Variants in GALNT13 observed in about 807,000 individuals in gnomAD.
The protein encoded by GALNT13 is UDP-GalNAc:polypeptide N-acetylgalactosaminyltransferase 13.
Under a neutral mutation model 64.2 loss-of-function variants are expected in GALNT13, and 28 were observed. The ratio of observed to expected loss-of-function variants is 0.44; its 90% CI spans 0.32 to 0.60. The LOEUF (loss-of-function observed/expected upper bound fraction) is 0.60. Ranked by LOEUF, GALNT13 falls within the 20% of genes least tolerant of loss-of-function variation. GALNT13 has a pLI of 0.05. For synonymous variants in GALNT13, 214 were observed against 224.6 expected (o/e 0.95, Z 0.42); for missense variants, 577 against 669.8 (o/e 0.86, Z 1.53).
intron 8 of GALNT13, among the ~76,000 whole-genome samples, chr2:154,283,717 G>T (rs1202527422): frequency 1.3e-5 from 2 of 151,944 alleles, no homozygotes; most frequent in Non-Finnish European, 2.9e-5. Context: ...ATGTGTGTGT[G>T]TGTATATACA....
At chr2:153,697,463 C>T in the GALNT13 span, among the ~76,000 whole-genome samples, 3 of 151,990 alleles carry the variant, frequency 2.0e-5, no homozygotes, top group South Asian at 6.2e-4. Flanking sequence ...TTTCAAAGGC[C>T]CTGGGATGTG....
chr2:153,308,509 C>G, the GALNT13 span, among the ~76,000 whole-genome samples: 1 of 152,190 alleles, frequency 6.6e-6, no homozygotes, highest in African/African-American at 2.4e-5. Flanking sequence ...AACACTATAA[C>G]AAGCTTCCTT....
chr2:153,925,857 C>A (rs943412499), intron 2 of GALNT13, among the ~76,000 whole-genome samples: 3 of 151,630 alleles, frequency 2.0e-5, no homozygotes, highest in Admixed American at 1.3e-4. Context: ...TGGTTGTATG[C>A]CTGTTGTTGG....
the GALNT13 span, among the ~76,000 whole-genome samples, chr2:153,372,117 A>T: frequency 6.6e-6 from 1 of 152,174 alleles, no homozygotes; most frequent in African/African-American, 2.4e-5. Context: ...AAATATGTCC[A>T]GCTGTCAACA....
intron 4 of GALNT13, among the ~76,000 whole-genome samples, chr2:154,145,123 C>A (rs1313703200): frequency 1.6e-5 from 2 of 123,598 alleles, no homozygotes; most frequent in South Asian, 5.1e-4. Flanking sequence ...TATATATACA[C>A]ACACTAAAAA....
chr2:153,395,638 G>A, the GALNT13 span, among the ~76,000 whole-genome samples: 1 of 152,118 alleles, frequency 6.6e-6, no homozygotes, highest in Non-Finnish European at 1.5e-5. Context: ...GTAGATGAAT[G>A]TTTCTGGGCA....
the GALNT13 span, among the ~76,000 whole-genome samples, chr2:153,117,912 C>T: frequency 1.6e-4 from 24 of 152,248 alleles, no homozygotes; most frequent in Middle Eastern, 0.02. Flanking sequence ...TAATTTGTCA[C>T]GAACTCCAAA....
the GALNT13 span, among the ~76,000 whole-genome samples, chr2:153,449,041 T>C: frequency 7.9e-5 from 12 of 152,084 alleles, no homozygotes; most frequent in African/African-American, 2.7e-4. Flanking sequence ...TCTCTTTGTG[T>C]GTCTTTCTGT....
chr2:153,781,488 G>A, the GALNT13 span, among the ~76,000 whole-genome samples: 1 of 152,172 alleles, frequency 6.6e-6, no homozygotes, highest in Non-Finnish European at 1.5e-5. Flanking sequence ...TGCACTGGGT[G>A]ATGAAGCTTT....
chr2:153,930,133 T>G (rs759769460), intron 2 of GALNT13, among the ~76,000 whole-genome samples: 2 of 152,198 alleles, frequency 1.3e-5, no homozygotes, highest in Admixed American at 6.5e-5. Context: ...GTTGGTCACA[T>G]GCATGCCTTC....
chr2:154,188,287 A>G (rs1206107907), intron 4 of GALNT13, among the ~76,000 whole-genome samples: 1 of 152,130 alleles, frequency 6.6e-6, no homozygotes, highest in Non-Finnish European at 1.5e-5. Flanking sequence ...TGGACTGAGT[A>G]CAAGGTGTCA....
chr2:153,472,451 TG>T, the GALNT13 span, among the ~76,000 whole-genome samples: 4,780 of 152,234 alleles, frequency 0.031, 99 homozygotes, highest in Middle Eastern at 0.071. Flanking sequence ...GCCAGTGTTT[TG>T]TGGTTCAAAT....
chr2:154,027,153 A>G (rs1698027315), intron 3 of GALNT13, among the ~76,000 whole-genome samples: 1 of 152,164 alleles, frequency 6.6e-6, no homozygotes, highest in Admixed American at 6.6e-5. Flanking sequence ...ACCTATCTAA[A>G]CAAGTCAGAT....
At position 154,351,373 on chromosome 2, in the gene GALNT13, G is replaced by GA. The variant is rs575603362; in HGVS notation, c.1157-44609dup. Among the ~76,000 whole-genome samples, 370 of 149,874 alleles carry GA rather than the reference G, an allele frequency of 2.5e-3. 1 individual carries two copies. Among genetic ancestry groups the GA allele is most frequent in the Middle Eastern group, 0.014 (4 of 288 alleles). On this transcript the variant is annotated intron_variant, in intron 9 of 12. Transcript: ENST00000392825. ...CGTTGTGAGCTTCAAGAACTGAATT[G>GA]AAAAAAAAATGCAATAGACCAGAGC...
At chr2:154,430,062 G>A (rs746078906) in intron 11 of GALNT13, among the ~76,000 whole-genome samples, 5 of 152,190 alleles carry the variant, frequency 3.3e-5, no homozygotes, top group Non-Finnish European at 7.3e-5. Flanking sequence ...TGTTGGAGAT[G>A]TACAAGGAGA....
At chr2:154,191,705 G>A (rs1399981929) in intron 4 of GALNT13, among the ~76,000 whole-genome samples, 1 of 152,038 alleles carries the variant, frequency 6.6e-6, no homozygotes, top group Non-Finnish European at 1.5e-5. Flanking sequence ...TCGCTTCTTC[G>A]GTGCCCCACC....
chr2:153,198,353 G>C, the GALNT13 span, among the ~76,000 whole-genome samples: 3 of 152,184 alleles, frequency 2.0e-5, no homozygotes, highest in Non-Finnish European at 4.4e-5. Context: ...AGGAGTCTGA[G>C]GTGAGAATGT....
the GALNT13 span, among the ~76,000 whole-genome samples, chr2:153,438,992 G>A: frequency 7.9e-5 from 12 of 152,058 alleles, no homozygotes; most frequent in Admixed American, 1.3e-4. Flanking sequence ...GTACAGATGC[G>A]TTTTTGGTGT....
At chr2:153,700,035 CA>C in the GALNT13 span, among the ~76,000 whole-genome samples, 1 of 152,182 alleles carries the variant, frequency 6.6e-6, no homozygotes, top group African/African-American at 2.4e-5. Flanking sequence ...AGAGACACAA[CA>C]AAAAACCCCC....
Sources: allele counts gnomAD v4.1 joint callset (sites outside exome capture counted in the v4.1 genomes callset), GRCh38; gene constraint gnomAD v4.1.1; transcripts MANE v1.5; gene names NCBI Gene and HGNC (gene_info 2026-07-23, HGNC 2026-07-21).